The following MYOF variants were observed in gnomAD, a reference collection of about 807,000 sequenced individuals.
MYOF encodes myoferlin.
MYOF carries 244 observed loss-of-function variants against 284.2 expected under a neutral mutation model. The observed-to-expected ratio is 0.86, with a 90% confidence interval of 0.77 to 0.95. The LOEUF (loss-of-function observed/expected upper bound fraction) is 0.95, where lower values mean the gene tolerates loss of function less well. Among genes scored for constraint, MYOF ranks in the 40% least tolerant of loss-of-function variants. The probability of loss-of-function intolerance (pLI) is 0.00; values close to 1 mark genes in which losing one functional copy is unlikely to be tolerated. For synonymous variants in MYOF, 904 were observed against 919.7 expected, an observed-to-expected ratio of 0.98 and a Z score of 0.31; for missense variants, 2,496 against 2,560.6, an observed-to-expected ratio of 0.97 and a Z score of 0.54.
intron 25 of MYOF, among the ~76,000 whole-genome samples, chr10:93,366,836 C>T (rs956881103): frequency 2.0e-5 from 3 of 152,114 alleles, no homozygotes; most frequent in Non-Finnish European, 2.9e-5. Context: ...CAAATGATTG[C>T]GAACGTGCTT....
chr10:93,405,205 A>G (rs1847497450), intron 7 of MYOF, among the ~76,000 whole-genome samples: 1 of 152,220 alleles, frequency 6.6e-6, no homozygotes. Flanking sequence ...TGCATCTCCT[A>G]AGAGCAAGGA....
At chr10:93,367,163 C>G (rs1845363887) in intron 25 of MYOF, among the ~76,000 whole-genome samples, 1 of 152,132 alleles carries the variant, frequency 6.6e-6, no homozygotes, top group Non-Finnish European at 1.5e-5. Flanking sequence ...GCAAGGAGAC[C>G]AAGGCCTCTC....
At chr10:93,347,302 C>A (rs1844232857) in intron 37 of MYOF, among the ~76,000 whole-genome samples, 1 of 151,210 alleles carries the variant, frequency 6.6e-6, no homozygotes, top group African/African-American at 2.4e-5. Flanking sequence ...CCTGTAATCC[C>A]AGCACTTTGG....
intron 1 of MYOF, among the ~76,000 whole-genome samples, chr10:93,480,435 AT>A (rs894160236): frequency 9.1e-4 from 99 of 109,362 alleles, no homozygotes; most frequent in Middle Eastern, 5.1e-3. Flanking sequence ...TGCCCTTTAG[AT>A]TTTTTTTTTA....
rs1210969830 is a variant in MYOF, at chr10:93,404,066, T to A, written c.800A>T (p.Asn267Ile). 6.2e-7 allele frequency: 1 copy of A among 1,614,142 alleles called. No homozygotes were observed. Among genetic ancestry groups the A allele is most frequent in the East Asian group, 2.2e-5 (1 of 44,880 alleles). The change falls in exon 9 of 54, where the codon AAT (asparagine) becomes ATT (isoleucine). Residue 267 changes from asparagine to isoleucine, a missense_variant. Transcript: ENST00000359263. Reference protein sequence around the residue: ...MDEIISIRVYNSHSLRADCLM... With the variant: ...MDEIISIRVYISHSLRADCLM... ...ACAATCTGCCCGCAGAGAGTGAGAA[T>A]TATAAACCTGGAAGAAAGAAGAGTA...
chr10:93,402,759 A>G (rs1847360790), intron 10 of MYOF, 101 bp downstream of exon 10: 1 of 1,040,736 alleles, frequency 9.6e-7, no homozygotes, highest in Non-Finnish European at 1.4e-6. Flanking sequence ...TTTAACTTTA[A>G]TTCTTTGATC....
Position 93,379,345 on chromosome 10 carries a change from C to T in MYOF, c.2001+518G>A, listed in dbSNP as rs115420704. Among the ~76,000 whole-genome samples the T allele has an allele frequency of 9.4e-3, 1,436 of 152,234 alleles. 24 individuals are homozygous for T. The highest frequency in any genetic ancestry group is 0.033 in the African/African-American group (1,356 of 41,526). On this transcript the variant is annotated intron_variant, in intron 21 of 53. Coordinates refer to ENST00000359263, the MANE Select transcript of MYOF (RefSeq NM_013451.4). The stretch of plus-strand genomic sequence containing the variant: ...CAGAAACTATGAGTTCCTGTTCCAC[C>T]CCACTCCTACCTTTTTAATCCTCCC...
At chr10:93,342,012 T>C in intron 38 of MYOF, 1 of 1,232,416 alleles carries the variant, frequency 8.1e-7, no homozygotes, top group Non-Finnish European at 1.1e-6. Context: ...TGTACACATG[T>C]CCATGTTATC....
chr10:93,423,105 G>T (rs1010539377), intron 5 of MYOF, among the ~76,000 whole-genome samples: 1 of 152,174 alleles, frequency 6.6e-6, no homozygotes, highest in African/African-American at 2.4e-5. Flanking sequence ...TTTCTGTACA[G>T]TTAAGATAAG....
At chr10:93,462,153 C>G (rs538600386) in intron 1 of MYOF, among the ~76,000 whole-genome samples, 28 of 151,080 alleles carry the variant, frequency 1.9e-4, no homozygotes, top group Non-Finnish European at 1.5e-5. Flanking sequence ...TGCAATGGCA[C>G]GCTCTTTGCT....
At position 93,349,813 on chromosome 10, in the gene MYOF, T is replaced by A; in HGVS notation, c.4078A>T (p.Lys1360Ter). 2.5e-6 allele frequency: 4 copies of A among 1,614,102 alleles called. No homozygotes were observed. Among genetic ancestry groups the A allele is most frequent in the Non-Finnish European group, 3.4e-6 (4 of 1,179,988 alleles). The change falls in exon 36 of 54, where the codon AAA becomes TAA. Residue 1360 changes from lysine (K) to a stop codon, truncating the protein, a stop_gained. Coordinates refer to ENST00000359263, the MANE Select transcript of MYOF (RefSeq NM_013451.4). LOFTEE classifies it high-confidence loss of function. ...PNFPSSVLFM[K>*]VFLPKEELYM... is the part of the protein sequence containing the mutation. ...ACAGAGAATCGATACTGTACCACTT[T>A]CATGAAGAGAACAGAACTTGGAAAG...
At chr10:93,310,752 T>C (rs1007419630) in intron 51 of MYOF, 109 bp from the exon 52 acceptor site, 1 of 1,018,652 alleles carries the variant, frequency 9.8e-7, no homozygotes. Flanking sequence ...TGTAAAACAA[T>C]CCTTAGATTG....
chr10:93,465,807 A>G (rs2056997750), intron 1 of MYOF, among the ~76,000 whole-genome samples: 1 of 152,036 alleles, frequency 6.6e-6, no homozygotes. Flanking sequence ...GAGCCACCGC[A>G]CACAGCTAGA....
chr10:93,325,304 T>C (rs893999950), intron 46 of MYOF, among the ~76,000 whole-genome samples: 1 of 152,196 alleles, frequency 6.6e-6, no homozygotes, highest in African/African-American at 2.4e-5. Context: ...CCCATTGCTA[T>C]CCACATGGTC....
intron 20 of MYOF, 63 bp downstream of exon 20, chr10:93,381,156 G>T: frequency 6.5e-7 from 1 of 1,543,726 alleles, no homozygotes; most frequent in Non-Finnish European, 8.9e-7. Flanking sequence ...CACAGTGCTT[G>T]CTTCCGGTCC....
At chr10:93,431,226 G>A (rs757171376) in intron 4 of MYOF, among the ~76,000 whole-genome samples, 182 bp downstream of exon 4, 2 of 151,820 alleles carry the variant, frequency 1.3e-5, no homozygotes, top group Non-Finnish European at 2.9e-5. Context: ...ATGGGGTTTC[G>A]GCATGTTGGC....
rs749087050 is a variant in MYOF, at chr10:93,361,503, AT to A, written c.2922del (p.Glu974AspfsTer11). On this transcript the variant is annotated frameshift_variant, in exon 28 of 54. Coordinates refer to ENST00000359263, the MANE Select transcript of MYOF (RefSeq NM_013451.4). LOFTEE classifies it high-confidence loss of function. Reference sequence around the variant, plus strand: ...TCATAAGACCATGCATCATCTTCCCATTCCCAACCTGGAGGACAAGTCAACT... The same window carrying A: ...TCATAAGACCATGCATCATCTTCCCATCCCAACCTGGAGGACAAGTCAACT... Reference protein sequence around the residue: ...PSELTCPPGWEWEDDAWSYDI... With the variant: ...PSELTCPPGWXWEDDAWSYDI... 1 of 1,614,192 alleles carries A rather than the reference AT, an allele frequency of 6.2e-7. No individual in the cohort carries two copies. The highest frequency in any genetic ancestry group is 1.7e-5 in the Admixed American group (1 of 60,022).
intron 3 of MYOF, among the ~76,000 whole-genome samples, chr10:93,441,687 C>G (rs2056262401): frequency 6.6e-6 from 1 of 151,686 alleles, no homozygotes; most frequent in South Asian, 2.1e-4. Flanking sequence ...CCTCAGCCTC[C>G]CGAGTAGCTG....
intron 3 of MYOF, among the ~76,000 whole-genome samples, chr10:93,449,328 T>A (rs777033626): frequency 6.6e-6 from 1 of 152,228 alleles, no homozygotes; most frequent in Non-Finnish European, 1.5e-5. Flanking sequence ...ACTAGAAAAT[T>A]TTAAATTGCA....
Sources: gnomAD v4.1 joint callset for allele counts (sites outside exome capture counted in the v4.1 genomes callset) on GRCh38, gnomAD v4.1.1 for gene constraint, MANE v1.5 for transcripts, NCBI Gene and HGNC (gene_info 2026-07-23, HGNC 2026-07-21) for gene names.